The following HEMK2 variants were observed in gnomAD, a reference collection of about 807,000 sequenced individuals.
HEMK2 encodes methyltransferase HEMK2.
At chr21:28,843,155 G>A in the HEMK2 span, among the ~76,000 whole-genome samples, 1 of 151,994 alleles carries the variant, frequency 6.6e-6, no homozygotes, top group African/African-American at 2.4e-5. Flanking sequence ...TTCAACACGC[G>A]TTTTGTAAAG....
At chr21:28,727,296 G>A in the HEMK2 span, among the ~76,000 whole-genome samples, 2 of 152,282 alleles carry the variant, frequency 1.3e-5, no homozygotes, top group South Asian at 4.1e-4. Context: ...AGTGGCTTTG[G>A]AATAATTGTA....
At chr21:28,841,285 AAT>A in the HEMK2 span, among the ~76,000 whole-genome samples, 1 of 7,956 alleles carries the variant, frequency 1.3e-4, no homozygotes, top group South Asian at 3.0e-3. Context: ...TATTATATAT[AAT>A]ATATATTATA....
At chr21:28,635,682 T>C in the HEMK2 span, among the ~76,000 whole-genome samples, 1 of 152,134 alleles carries the variant, frequency 6.6e-6, no homozygotes, top group Non-Finnish European at 1.5e-5. Context: ...AGGTACTATA[T>C]CACCTAGCCC....
the HEMK2 span, among the ~76,000 whole-genome samples, chr21:28,704,573 A>C: frequency 6.6e-6 from 1 of 152,052 alleles, no homozygotes; most frequent in Non-Finnish European, 1.5e-5. Context: ...AAAAAAAAAA[A>C]AAAAACTTAT....
At chr21:28,726,464 T>C in the HEMK2 span, among the ~76,000 whole-genome samples, 1 of 152,222 alleles carries the variant, frequency 6.6e-6, no homozygotes, top group African/African-American at 2.4e-5. Flanking sequence ...ATGTTGTTCT[T>C]TGTTTAAAAA....
At chr21:28,752,626 C>T in the HEMK2 span, among the ~76,000 whole-genome samples, 2 of 152,190 alleles carry the variant, frequency 1.3e-5, no homozygotes, top group African/African-American at 4.8e-5. Flanking sequence ...ACACAGCGAA[C>T]AGAGCCCTGG....
At chr21:28,807,305 G>A in the HEMK2 span, among the ~76,000 whole-genome samples, 1 of 152,066 alleles carries the variant, frequency 6.6e-6, no homozygotes, top group African/African-American at 2.4e-5. Context: ...GAAAAACCCG[G>A]GAGTCATCCT....
chr21:28,620,941 G>A, the HEMK2 span, among the ~76,000 whole-genome samples: 2 of 151,634 alleles, frequency 1.3e-5, no homozygotes, highest in African/African-American at 4.8e-5. Flanking sequence ...CAAAGTGCTG[G>A]GATACAGGCA....
At chr21:28,828,299 T>C in the HEMK2 span, among the ~76,000 whole-genome samples, 2 of 152,178 alleles carry the variant, frequency 1.3e-5, no homozygotes, top group African/African-American at 4.8e-5. Flanking sequence ...GGGATTTAGA[T>C]GCACATGTTG....
the HEMK2 span, among the ~76,000 whole-genome samples, chr21:28,824,859 G>A: frequency 1.3e-5 from 2 of 152,116 alleles, no homozygotes; most frequent in Non-Finnish European, 2.9e-5. Context: ...GTCTCCATAA[G>A]GCAACATCAC....
chr21:28,767,862 A>G, the HEMK2 span, among the ~76,000 whole-genome samples: 2 of 151,662 alleles, frequency 1.3e-5, no homozygotes, highest in African/African-American at 4.8e-5. Flanking sequence ...TCTCACAGTC[A>G]CCTGTCTCAT....
the HEMK2 span, among the ~76,000 whole-genome samples, chr21:28,831,595 G>GA: frequency 1.2e-5 from 1 of 84,230 alleles, no homozygotes; most frequent in African/African-American, 7.2e-5. Context: ...AAGAAGGAAA[G>GA]AAGGAAAGAA....
the HEMK2 span, among the ~76,000 whole-genome samples, chr21:28,838,998 T>TACACAC: frequency 2.6e-4 from 15 of 57,966 alleles, no homozygotes; most frequent in African/African-American, 1.5e-3. Context: ...TATATATATA[T>TACACAC]ATACATATAT....
chr21:28,697,014 T>TC, the HEMK2 span, among the ~76,000 whole-genome samples: 2 of 151,604 alleles, frequency 1.3e-5, no homozygotes, highest in African/African-American at 2.4e-5. Flanking sequence ...GAAAACATTT[T>TC]TTTTTCTCCT....
At chr21:28,687,513 T>C in the HEMK2 span, among the ~76,000 whole-genome samples, 50 of 152,220 alleles carry the variant, frequency 3.3e-4, no homozygotes, top group African/African-American at 1.2e-3. Flanking sequence ...AGAGAAAGTA[T>C]GATGTACATG....
chr21:28,614,198 A>C, the HEMK2 span, among the ~76,000 whole-genome samples: 1 of 152,226 alleles, frequency 6.6e-6, no homozygotes, highest in Non-Finnish European at 1.5e-5. Flanking sequence ...AGAAAAGATG[A>C]ATTACATATA....
At chr21:28,659,080 T>C in the HEMK2 span, among the ~76,000 whole-genome samples, 1 of 152,146 alleles carries the variant, frequency 6.6e-6, no homozygotes, top group Admixed American at 6.6e-5. Flanking sequence ...CAGTCAAAAC[T>C]TTACAAATTC....
the HEMK2 span, among the ~76,000 whole-genome samples, chr21:28,654,509 A>G: frequency 2.0e-5 from 3 of 151,986 alleles, no homozygotes; most frequent in Admixed American, 2.0e-4. Flanking sequence ...TTTCACCAGC[A>G]CTCTAAGTCA....
chr21:28,789,679 G>A, the HEMK2 span, among the ~76,000 whole-genome samples: 2 of 152,128 alleles, frequency 1.3e-5, no homozygotes, highest in East Asian at 1.9e-4. Flanking sequence ...TAGATTATAC[G>A]AGTAATTGGA....
Sources: allele counts gnomAD v4.1 joint callset (sites outside exome capture counted in the v4.1 genomes callset), GRCh38; gene constraint gnomAD v4.1.1; transcripts MANE v1.5; gene names NCBI Gene and HGNC (gene_info 2026-07-23, HGNC 2026-07-21).